Variants in NTHL1 observed in about 807,000 individuals in gnomAD.
NTHL1 encodes nth like DNA glycosylase 1.
A neutral mutation model predicts 32.3 loss-of-function variants in NTHL1; 32 were observed. The observed-to-expected ratio is 0.99, with a 90% CI of 0.75 to 1.33. NTHL1 has a LOEUF of 1.33. Among genes scored for constraint, NTHL1 ranks in the 40% most tolerant of loss-of-function variants. NTHL1 has a pLI of 0.00. For synonymous variants in NTHL1, 188 were observed against 176.9 expected (o/e 1.06, Z -0.50); for missense variants, 501 against 414.1 (o/e 1.21, Z -1.82).
rs914809705 is a variant in NTHL1, at chr16:2,043,497, G to A, written c.685+70C>T. The A allele has an allele frequency of 6.3e-7, 1 of 1,586,704 alleles. No homozygotes were observed. Among genetic ancestry groups the A allele is most frequent in the Non-Finnish European group, 8.5e-7 (1 of 1,171,280 alleles). ...CCAGCATGCTGGAAGTGGAGTCACA[G>A]GTCACAAGGATGTGGGGAATCCCAA... On this transcript the variant is annotated intron_variant, in intron 4 of 5. Transcript: ENST00000651570. The surrounding 1 kb of genome is among the most constrained non-coding windows in gnomAD (Gnocchi z 4.4).
chr16:2,044,747 G>C lies in NTHL1; in HGVS notation c.408C>G (p.Asp136Glu), dbSNP rs1451036395. ...LSLMLSSQTK[D>E]QVTAGAMQRL... ...GCTGCATGGCGCCCGCCGTCACCTGGTCTTTGGTTTGGCTGGAGAGCATCA... is the reference window on the plus strand; with the variant it reads ...GCTGCATGGCGCCCGCCGTCACCTGCTCTTTGGTTTGGCTGGAGAGCATCA... Residue 136 changes from aspartate to glutamate, a missense_variant, in exon 3 of 6, where the codon GAC becomes GAG. Asp to Glu is a conservative substitution (Grantham distance 45). Transcript: ENST00000651570. The surrounding 1 kb of genome is among the most constrained non-coding windows in gnomAD (Gnocchi z 5.0). The C allele has an allele frequency of 1.2e-6, 2 of 1,612,360 alleles. No individual in the cohort carries two copies. Among genetic ancestry groups the C allele is most frequent in the South Asian group, 1.1e-5 (1 of 91,032 alleles).
intron 2 of NTHL1, among the ~76,000 whole-genome samples, chr16:2,045,683 C>T (rs758893017): frequency 2.6e-5 from 4 of 152,130 alleles, no homozygotes; most frequent in African/African-American, 7.2e-5. Context: ...GTGATCCACC[C>T]GCCTTGGCCT....
At chr16:2,045,318 C>T (rs555660935) in intron 2 of NTHL1, among the ~76,000 whole-genome samples, 18 of 152,180 alleles carry the variant, frequency 1.2e-4, no homozygotes, top group Non-Finnish European at 7.4e-5. Context: ...GCCTGGGCAA[C>T]AAGAGCAAGA....
At chr16:2,047,542 G>C in intron 1 of NTHL1, 167 bp downstream of exon 1, 1 of 1,202,128 alleles carries the variant, frequency 8.3e-7, no homozygotes. Context: ...CAATCTTTGG[G>C]AAAAAGGCGC....
chr16:2,041,170 C>A (rs556652328), intron 4 of NTHL1, among the ~76,000 whole-genome samples: 1 of 152,250 alleles, frequency 6.6e-6, no homozygotes, highest in African/African-American at 2.4e-5. Context: ...AAAAAGGTGT[C>A]CGAGGGTGTG....
intron 4 of NTHL1, among the ~76,000 whole-genome samples, chr16:2,041,844 G>A (rs1596217836): frequency 6.6e-6 from 1 of 152,042 alleles, no homozygotes; most frequent in Admixed American, 6.6e-5. Flanking sequence ...TCCTGACCTC[G>A]TGATCTGCCT....
At chr16:2,047,654 A>C in intron 1 of NTHL1, 55 bp downstream of exon 1, 1 of 1,527,668 alleles carries the variant, frequency 6.5e-7, no homozygotes, top group Non-Finnish European at 8.8e-7. Flanking sequence ...CCGGGACTCC[A>C]GCCTGCAGCC....
At position 2,044,823 on chromosome 16, in the gene NTHL1, CG is replaced by C; in HGVS notation, c.355-24del. 6.4e-7 allele frequency: 1 copy of C among 1,571,600 alleles called. No individual in the cohort carries two copies. Among genetic ancestry groups the C allele is most frequent in the Non-Finnish European group, 8.6e-7 (1 of 1,156,690 alleles). ...TACCTGCTTGTGCAGTGACAGGGACCGGGGTGGCGGCGGGTCCTGGGTGATT... is the reference window on the plus strand; with the variant it reads ...TACCTGCTTGTGCAGTGACAGGGACCGGGTGGCGGCGGGTCCTGGGTGATT... On this transcript the variant is annotated intron_variant, in intron 2 of 5. Coordinates refer to ENST00000651570, the MANE Select transcript of NTHL1 (RefSeq NM_002528.7). This position sits in a 1 kb window ranked among gnomAD's most constrained non-coding sequence, Gnocchi z 5.0.
rs1397863507 is a variant in NTHL1 at position 2,046,241 on chromosome 16, G to A, written c.241C>T (p.Pro81Ser). 4 of 1,613,232 alleles carry A rather than the reference G, an allele frequency of 2.5e-6. No individual in the cohort carries two copies. The highest frequency in any genetic ancestry group is 1.6e-4 in the Middle Eastern group (1 of 6,062). The change falls in exon 2 of 6, where the codon CCC becomes TCC. Residue 81 changes from proline to serine, a missense_variant. Coordinates refer to ENST00000651570, the MANE Select transcript of NTHL1 (RefSeq NM_002528.7). ...AEPLKVPVWE[P>S]QDWQQQLVNI... ...ACCAGCTGTTGCTGCCAGTCCTGGG[G>A]CTCCCAGACTGGCACCTTGAGGGGC...
In NTHL1 at chr16:2,046,436, C is replaced by T. The variant is rs988285776; in HGVS notation, c.116-70G>A. 5 of 1,402,850 alleles carry T rather than the reference C, an allele frequency of 3.6e-6. No homozygotes were observed. The African/African-American group carries it at 7.1e-5, about 20-fold the overall frequency. The allele number at this position is 1,402,850 out of a possible 1,614,324, so 86.9% of individuals were successfully genotyped here. ...AGGTAGGGTAGGGGTGCCATCCCGC[C>T]TGCTAGCTCACCCCTCACTCGTTCA... On this transcript the variant is annotated intron_variant, in intron 1 of 5. Coordinates refer to ENST00000651570, the MANE Select transcript of NTHL1 (RefSeq NM_002528.7).
chr16:2,044,871 C>A lies in NTHL1; in HGVS notation c.355-71G>T. On this transcript the variant is annotated intron_variant, in intron 2 of 5. Coordinates refer to ENST00000651570, the MANE Select transcript of NTHL1 (RefSeq NM_002528.7). The surrounding 1 kb of genome is among the most constrained non-coding windows in gnomAD (Gnocchi z 5.0). Reference sequence around the variant, plus strand: ...GATTCCCTGGCCAGGCTCCGCCCCCCGCCCTCGACACACCCTGGTTTGTTG... The same window carrying A: ...GATTCCCTGGCCAGGCTCCGCCCCCAGCCCTCGACACACCCTGGTTTGTTG... The A allele has an allele frequency of 6.8e-7, 1 of 1,477,960 alleles. No homozygotes were observed. The highest frequency in any genetic ancestry group is 9.1e-7 in the Non-Finnish European group (1 of 1,102,760). 91.6% of individuals were successfully genotyped at this position (1,477,960 alleles called of 1,614,324 possible).
chr16:2,046,976 CA>C (rs1018655322), intron 1 of NTHL1: 3 of 152,668 alleles, frequency 2.0e-5, no homozygotes, highest in African/African-American at 7.2e-5. Context: ...GATCTCAAAA[CA>C]AACAACAAAA....
In NTHL1 at chr16:2,046,301, C is replaced by G. The variant is rs1429511641; in HGVS notation, c.181G>C (p.Glu61Gln). Reference protein sequence around the residue: ...RKAQRLRVAYEGSDSEKGEGA... With the variant: ...RKAQRLRVAYQGSDSEKGEGA... ...TCACCTTTCTCACTGTCCGAGCCCT[C>G]ATAGGCCACACGCAGTCTCTGTGCT... The change falls in exon 2 of 6, where the codon GAG (glutamate) becomes CAG (glutamine). Residue 61 changes from glutamate (E) to glutamine (Q), a missense_variant. By Grantham distance (29) the Glu-to-Gln change is conservative (BLOSUM62 2). Coordinates refer to ENST00000651570, the MANE Select transcript of NTHL1 (RefSeq NM_002528.7). 2 of 1,613,192 alleles carry G rather than the reference C, an allele frequency of 1.2e-6. No individual in the cohort carries two copies. Among genetic ancestry groups the G allele is most frequent in the Admixed American group, 3.3e-5 (2 of 60,020 alleles).
rs760130778 is a variant in NTHL1 at position 2,046,187 on chromosome 16, C to G, written c.295G>C (p.Asp99His). ...GTCCCCAGATGGTCCACAGGTGCAT[C>G]CTTTTTGTTCCTCATGGCACGGATG... is the stretch of plus-strand genomic sequence containing the variant. ...VNIRAMRNKK[D>H]APVDHLGTEH... Residue 99 changes from aspartate (D) to histidine (H), a missense_variant, in exon 2 of 6, where the codon GAT (aspartate) becomes CAT (histidine). Coordinates refer to ENST00000651570, the MANE Select transcript of NTHL1 (RefSeq NM_002528.7). The G allele has an allele frequency of 1.2e-6, 2 of 1,613,292 alleles. No homozygotes were observed. The highest frequency in any genetic ancestry group is 2.2e-5 in the South Asian group (2 of 91,086).
intron 4 of NTHL1, 73 bp from the exon 5 acceptor site, chr16:2,040,311 G>T: frequency 1.4e-6 from 2 of 1,399,022 alleles, no homozygotes; most frequent in Non-Finnish European, 1.0e-6. Flanking sequence ...CCGCCCAGAG[G>T]CGAGTCTGCC....
Position 2,040,237 on chromosome 16 carries a change from T to C in NTHL1, c.687A>G (p.Ala229=), listed in dbSNP as rs2084244591. 1 of 1,613,238 alleles carries C rather than the reference T, an allele frequency of 6.2e-7. No individual in the cohort carries two copies. Among genetic ancestry groups the C allele is most frequent in the Non-Finnish European group, 8.5e-7 (1 of 1,179,962 alleles). ...AVAWGTVSGI[A]VDTHVHRIAN... is the part of the protein sequence containing the mutation. ...CGATTCTGTGCACATGCGTGTCCAC[T>C]GCTGCTGGGAGGCCAAGCGGGGTGA... Residue 229 remains alanine, a splice_region_variant and synonymous_variant, in exon 5 of 6, where the codon GCA becomes GCG. Coordinates refer to ENST00000651570, the MANE Select transcript of NTHL1 (RefSeq NM_002528.7).
intron 2 of NTHL1, among the ~76,000 whole-genome samples, chr16:2,045,414 G>A (rs1405290763): frequency 2.0e-5 from 3 of 151,948 alleles, no homozygotes; most frequent in South Asian, 4.1e-4. Context: ...TGATTGCTTC[G>A]TGAATCATCA....
In NTHL1 at chr16:2,044,131, G is replaced by T; in HGVS notation, c.526-405C>A. On this transcript the variant is annotated intron_variant, in intron 3 of 5. Transcript: ENST00000651570. The surrounding 1 kb of genome is among the most constrained non-coding windows in gnomAD (Gnocchi z 5.0). Reference sequence around the variant, plus strand: ...GCCGGGTGGTTCCCATCCTGTGCCTGAGTGGAGAGGGCTATTTAAAACCCA... The same window carrying T: ...GCCGGGTGGTTCCCATCCTGTGCCTTAGTGGAGAGGGCTATTTAAAACCCA... The T allele has an allele frequency of 2.8e-6, 1 of 351,278 alleles. No individual in the cohort carries two copies. The highest frequency in any genetic ancestry group is 2.7e-5 in the South Asian group (1 of 36,966). 21.8% of individuals were successfully genotyped at this position (351,278 alleles called of 1,614,324 possible).
In NTHL1 at chr16:2,045,996, G is replaced by C. The variant is rs1384867626; in HGVS notation, c.354+132C>G. ...GCTACAGTGATGCAGGCGATGCTCT[G>C]GGGCACCGGGTGTCCATCCTCCCAA... is the stretch of plus-strand genomic sequence containing the variant. On this transcript the variant is annotated intron_variant, in intron 2 of 5. Transcript: ENST00000651570. 9.6e-6 allele frequency: 7 copies of C among 727,080 alleles called. No individual in the cohort carries two copies. The South Asian group carries it at 1.1e-4, about 12-fold the overall frequency. 45.0% of individuals were successfully genotyped at this position (727,080 alleles called of 1,614,324 possible).
Sources: gnomAD v4.1 joint callset for allele counts (sites outside exome capture counted in the v4.1 genomes callset) on GRCh38, gnomAD v4.1.1 for gene constraint, Gnocchi (gnomAD v3.1) non-coding constraint, MANE v1.5 for transcripts, NCBI Gene and HGNC (gene_info 2026-07-23, HGNC 2026-07-21) for gene names.